Variants in EIF3A observed in about 807,000 individuals in gnomAD.
The protein encoded by EIF3A is EIF3, p180 subunit.
EIF3A carries 21 observed loss-of-function variants against 186.6 expected under a neutral mutation model. The observed-to-expected ratio is 0.11, with a 90% CI of 0.08 to 0.16. The LOEUF (loss-of-function observed/expected upper bound fraction) is 0.16, where lower values mean the gene tolerates loss of function less well. EIF3A is among the 10% of genes least tolerant of loss of function. The pLI is 1.00. For missense variants in EIF3A, 1,306 were observed against 1,796.3 expected, an observed-to-expected ratio of 0.73 and a Z score of 4.93; for synonymous variants, 563 against 584.3, an observed-to-expected ratio of 0.96 and a Z score of 0.52.
intron 6 of EIF3A, among the ~76,000 whole-genome samples, chr10:119,068,670 AAAAAT>A (rs533054514): frequency 2.0e-5 from 3 of 151,454 alleles, no homozygotes; most frequent in Admixed American, 6.6e-5. Context: ...TGTCTCAAGA[AAAAAT>A]AAAATAAAAT....
Position 119,056,800 on chromosome 10 carries a change from G to A in EIF3A, c.2136C>T (p.Ser712=), listed in dbSNP as rs780837333. ...KRLEEIPLIK[S]AYEEQRIKDM... ...CTTTAATTCTCTGTTCCTCGTAAGC[G>A]CTCTTTATCAAAGGAATTTCTTCCA... The change falls in exon 14 of 22, where the codon AGC becomes AGT. Residue 712 remains serine, a synonymous_variant. Coordinates refer to ENST00000369144, the MANE Select transcript of EIF3A (RefSeq NM_003750.4). 2.3e-5 allele frequency: 37 copies of A among 1,613,528 alleles called. No individual in the cohort carries two copies. Among genetic ancestry groups the A allele is most frequent in the South Asian group, 2.0e-4 (18 of 91,064 alleles).
chr10:119,042,422 T>A lies in EIF3A; in HGVS notation c.3098A>T (p.Asp1033Val), dbSNP rs761734463. 1.2e-6 allele frequency: 2 copies of A among 1,614,162 alleles called. No homozygotes were observed. Among genetic ancestry groups the A allele is most frequent in the Non-Finnish European group, 1.7e-6 (2 of 1,180,010 alleles). The change falls in exon 19 of 22, where the codon GAT (aspartate) becomes GTT (valine). Residue 1033 changes from aspartate to valine, a missense_variant. Coordinates refer to ENST00000369144, the MANE Select transcript of EIF3A (RefSeq NM_003750.4). The surrounding 1 kb of genome is among the most constrained non-coding windows in gnomAD (Gnocchi z 7.8). ...DEDRGSWRTA[D>V]EDRGPRRGMD... ...CCCACGTCTTGGTCCTCTGTCCTCA[T>A]CAGCTGTTCGCCAGCTTCCTCTGTC...
At chr10:119,043,672 C>G (rs1281950966) in intron 18 of EIF3A, among the ~76,000 whole-genome samples, 2 of 152,058 alleles carry the variant, frequency 1.3e-5, no homozygotes, top group Non-Finnish European at 2.9e-5. Flanking sequence ...GTCATCCCAG[C>G]AATTTGAGAG....
chr10:119,065,758 A>T (rs1037852803), intron 6 of EIF3A, among the ~76,000 whole-genome samples, 188 bp from the exon 7 acceptor site: 1 of 152,208 alleles, frequency 6.6e-6, no homozygotes, highest in Non-Finnish European at 1.5e-5. Flanking sequence ...TGTTTAAACG[A>T]ATACTTGGAG....
chr10:119,074,436 G>A (rs10400136), intron 1 of EIF3A, among the ~76,000 whole-genome samples: 76,818 of 151,568 alleles, frequency 0.51, 20,790 homozygotes, highest in Middle Eastern at 0.67. Context: ...TTGCACTCCA[G>A]CCTGGGTGAC....
chr10:119,071,943 T>A (rs1283689580), intron 4 of EIF3A, among the ~76,000 whole-genome samples: 3 of 135,010 alleles, frequency 2.2e-5, no homozygotes, highest in African/African-American at 8.3e-5. Context: ...AAGAATGGCG[T>A]GAACCTGGGA....
Position 119,051,231 on chromosome 10 carries a change from G to C in EIF3A, c.2287C>G (p.Arg763Gly). 6.2e-7 allele frequency: 1 copy of C among 1,610,480 alleles called. No homozygotes were observed. Among genetic ancestry groups the C allele is most frequent in the East Asian group, 2.2e-5 (1 of 44,760 alleles). ...ACAGACTGCCGTGCAGCTTTGAGTC[G>C]CATTACGAATAAATCTCTGTCTTCA... is the stretch of plus-strand genomic sequence containing the variant. ...MLEDRDLFVMRLKAARQSVYE... is the reference protein window; with the variant it reads ...MLEDRDLFVMGLKAARQSVYE... Residue 763 changes from arginine to glycine, a missense_variant, in exon 15 of 22, where the codon CGA (arginine) becomes GGA (glycine). Arg to Gly is a moderately radical substitution (Grantham distance 125). This residue lies in a region of EIF3A where 410 missense variants were observed against 473.5 expected (regional missense o/e 0.87). Transcript: ENST00000369144.
At chr10:119,047,136 C>A in intron 17 of EIF3A, among the ~76,000 whole-genome samples, 1 of 152,028 alleles carries the variant, frequency 6.6e-6, no homozygotes, top group Non-Finnish European at 1.5e-5. Context: ...GGCGTGGTGG[C>A]ACACGCCAGT....
intron 14 of EIF3A, among the ~76,000 whole-genome samples, chr10:119,054,217 G>A (rs145719264): frequency 1.7e-3 from 254 of 152,186 alleles, no homozygotes; most frequent in African/African-American, 5.8e-3. Flanking sequence ...CACCAGGCCT[G>A]GCCTTCTGCG....
At chr10:119,072,021 T>C (rs1004754269) in intron 4 of EIF3A, among the ~76,000 whole-genome samples, 3 of 22,874 alleles carry the variant, frequency 1.3e-4, no homozygotes, top group African/African-American at 1.9e-4. Context: ...CAAGACTCTG[T>C]CTCAAAAAAA....
At chr10:119,065,846 G>A (rs1412097443) in intron 6 of EIF3A, among the ~76,000 whole-genome samples, 2 of 152,228 alleles carry the variant, frequency 1.3e-5, no homozygotes, top group South Asian at 2.1e-4. Flanking sequence ...ACCAGGCGCG[G>A]TGGCTCACGC....
In EIF3A at chr10:119,059,318, C is replaced by A; in HGVS notation, c.1523G>T (p.Gly508Val). Residue 508 changes from glycine (G) to valine (V), a missense_variant, in exon 11 of 22, where the codon GGT becomes GTT. Coordinates refer to ENST00000369144, the MANE Select transcript of EIF3A (RefSeq NM_003750.4). Reference protein sequence around the residue: ...NYATREDAPIGPHLQSMPSEQ... With the variant: ...NYATREDAPIVPHLQSMPSEQ... The stretch of plus-strand genomic sequence containing the variant: ...TGAAGGCATGCTTTGCAAATGAGGA[C>A]CAATCGGAGCATCTTCTCGAGTAGC... 1 of 1,613,346 alleles carries A rather than the reference C, an allele frequency of 6.2e-7. No individual in the cohort carries two copies. The highest frequency in any genetic ancestry group is 8.5e-7 in the Non-Finnish European group (1 of 1,179,686).
chr10:119,044,353 C>T (rs149601446), intron 17 of EIF3A, among the ~76,000 whole-genome samples: 6 of 152,212 alleles, frequency 3.9e-5, no homozygotes, highest in East Asian at 1.9e-4. Flanking sequence ...CCTTACAAAC[C>T]GATATAACAC....
chr10:119,044,242 T>C (rs1290563137), intron 17 of EIF3A, 100 bp from the exon 18 acceptor site: 5 of 790,344 alleles, frequency 6.3e-6, no homozygotes, highest in Non-Finnish European at 8.6e-6. Context: ...TATAACAATA[T>C]GAAGCCCTTA....
intron 15 of EIF3A, 125 bp from the exon 16 acceptor site, chr10:119,050,799 G>A: frequency 9.9e-7 from 1 of 1,011,248 alleles, no homozygotes. Context: ...CAACCTCTCA[G>A]CACAAAAACT....
Position 119,042,524 on chromosome 10 carries a change from C to T in EIF3A, c.2996G>A (p.Arg999Lys). 1 of 1,614,182 alleles carries T rather than the reference C, an allele frequency of 6.2e-7. No homozygotes were observed. The highest frequency in any genetic ancestry group is 8.5e-7 in the Non-Finnish European group (1 of 1,180,040). The part of the protein sequence containing the change: ...WRNTDDDRPP[R>K]RIADEDRGNW... ...TCCCCTGTCTTCATCGGCAATTCGT[C>T]TGGGAGGCCTGTCATCATCTGTGTT... The change falls in exon 19 of 22, where the codon AGA becomes AAA. Residue 999 changes from arginine (R) to lysine (K), a missense_variant. Coordinates refer to ENST00000369144, the MANE Select transcript of EIF3A (RefSeq NM_003750.4). The surrounding 1 kb of genome is among the most constrained non-coding windows in gnomAD (Gnocchi z 7.8).
At position 119,050,516 on chromosome 10, in the gene EIF3A, T is replaced by C; in HGVS notation, c.2473+5A>G. On this transcript the variant is annotated splice_donor_5th_base_variant and intron_variant, in intron 16 of 21. Coordinates refer to ENST00000369144, the MANE Select transcript of EIF3A (RefSeq NM_003750.4). The stretch of plus-strand genomic sequence containing the variant: ...CACCCCTCCAATCCTGTTTGACCTG[T>C]GTACCTTTTAGCATTTGTTCTTCTG... The C allele has an allele frequency of 2.5e-6, 4 of 1,613,748 alleles. No homozygotes were observed. The highest frequency in any genetic ancestry group is 3.4e-6 in the Non-Finnish European group (4 of 1,179,782).
chr10:119,066,065 A>G (rs189709117), intron 6 of EIF3A, among the ~76,000 whole-genome samples: 13 of 151,908 alleles, frequency 8.6e-5, no homozygotes, highest in African/African-American at 1.4e-4. Context: ...GCAGTGAGCC[A>G]AGATCGCGCC....
intron 19 of EIF3A, among the ~76,000 whole-genome samples, chr10:119,040,089 G>A (rs1047823804): frequency 6.6e-6 from 1 of 152,234 alleles, no homozygotes; most frequent in African/African-American, 2.4e-5. Flanking sequence ...AGTGAGACTA[G>A]AAGAGACGAA....
Sources: gnomAD v4.1 joint callset for allele counts (sites outside exome capture counted in the v4.1 genomes callset) on GRCh38, gnomAD v4.1.1 for gene constraint, gnomAD v4.1.1 regional missense constraint, Gnocchi (gnomAD v3.1) non-coding constraint, MANE v1.5 for transcripts, NCBI Gene and HGNC (gene_info 2026-07-23, HGNC 2026-07-21) for gene names.